ATP11B: variants seen among roughly 807,000 people sequenced by gnomAD.
The protein encoded by ATP11B is phospholipid-transporting ATPase IF.
In ATP11B, 81 loss-of-function variants were observed where a neutral mutation model predicts 157.8. The ratio of observed to expected loss-of-function variants is 0.51; its 90% CI spans 0.43 to 0.62. ATP11B has a LOEUF of 0.62. Among genes scored for constraint, ATP11B ranks in the 20% least tolerant of loss-of-function variants. The probability of loss-of-function intolerance (pLI) is 0.00; values close to 1 mark genes in which losing one functional copy is unlikely to be tolerated. For synonymous variants in ATP11B, 451 were observed against 469.4 expected (o/e 0.96, Z 0.51); for missense variants, 1,165 against 1,402.2 (o/e 0.83, Z 2.70).
At chr3:182,866,579 T>A (rs1257503144) in intron 14 of ATP11B, 136 bp downstream of exon 14, 1 of 674,098 alleles carries the variant, frequency 1.5e-6, no homozygotes, top group Admixed American at 4.0e-5. Context: ...TACATAAAAA[T>A]AGAAGTACAA....
intron 22 of ATP11B, 99 bp downstream of exon 22, chr3:182,884,997 C>T (rs1722702958): frequency 1.4e-6 from 1 of 714,778 alleles, no homozygotes; most frequent in Admixed American, 3.4e-5. Flanking sequence ...AAAATAGTTT[C>T]AATAAGTAAA....
intron 8 of ATP11B, chr3:182,844,715 A>G: frequency 5.3e-6 from 1 of 187,586 alleles, no homozygotes; most frequent in Non-Finnish European, 1.0e-5. Flanking sequence ...AAATCATACT[A>G]TAGTTTATGT....
At chr3:182,882,870 A>T (rs533777277) in intron 21 of ATP11B, among the ~76,000 whole-genome samples, 71 of 152,322 alleles carry the variant, frequency 4.7e-4, no homozygotes, top group African/African-American at 1.7e-3. Context: ...ATATGGAAGG[A>T]TGTGAGCAAT....
rs368234144 is a variant in ATP11B at position 182,862,049 on chromosome 3, C to T, written c.1200+2690C>T. Among the ~76,000 whole-genome samples, 14 of 151,820 alleles carry T rather than the reference C, an allele frequency of 9.2e-5. No homozygotes were observed. In the East Asian group the frequency reaches 2.1e-3, roughly 23 times the overall value. On this transcript the variant is annotated intron_variant, in intron 12 of 29. Coordinates refer to ENST00000323116, the MANE Select transcript of ATP11B (RefSeq NM_014616.3). ...TCACTTGAGCCCAGGAGTTCAAGACCAGCCTGGAGAACATGGCAAAACCCC... is the reference window on the plus strand; with the variant it reads ...TCACTTGAGCCCAGGAGTTCAAGACTAGCCTGGAGAACATGGCAAAACCCC...
In ATP11B at chr3:182,848,489, C is replaced by A; in HGVS notation, c.783C>A (p.Tyr261Ter). Residue 261 changes from tyrosine to a stop codon, truncating the protein, a stop_gained, in exon 10 of 30, where the codon TAC (tyrosine) becomes TAA (stop). Coordinates refer to ENST00000323116, the MANE Select transcript of ATP11B (RefSeq NM_014616.3). LOFTEE classifies it high-confidence loss of function. ...NTKEIFGVAV[Y>*]TGMETKMALN... Reference sequence around the variant, plus strand: ...TTTATTTTACAGGTGTTGCGGTATACACTGGAATGGAAACTAAGATGGCAT... The same window carrying A: ...TTTATTTTACAGGTGTTGCGGTATAAACTGGAATGGAAACTAAGATGGCAT... The A allele has an allele frequency of 6.4e-7, 1 of 1,558,914 alleles. No individual in the cohort carries two copies. Among genetic ancestry groups the A allele is most frequent in the Non-Finnish European group, 8.7e-7 (1 of 1,150,888 alleles).
chr3:182,910,580 A>T (rs1246057739), intron 28 of ATP11B, among the ~76,000 whole-genome samples: 1 of 152,204 alleles, frequency 6.6e-6, no homozygotes, highest in African/African-American at 2.4e-5. Context: ...GTCTCTAAAA[A>T]TAATAAAAAT....
intron 1 of ATP11B, among the ~76,000 whole-genome samples, chr3:182,809,011 G>T: frequency 6.6e-6 from 1 of 151,104 alleles, no homozygotes. Flanking sequence ...TAATATTCTT[G>T]GTTAGAAAAA....
intron 29 of ATP11B, chr3:182,915,131 T>A: frequency 1.0e-6 from 1 of 985,362 alleles, no homozygotes. Flanking sequence ...TATGATATCA[T>A]TCATCTGTTA....
intron 17 of ATP11B, 96 bp downstream of exon 17, chr3:182,869,427 A>AT: frequency 1.2e-6 from 1 of 856,386 alleles, no homozygotes; most frequent in East Asian, 2.7e-5. Flanking sequence ...AATTGTGGAC[A>AT]TTCTGCAGTT....
At chr3:182,866,546 T>G (rs1253496252) in intron 14 of ATP11B, 103 bp downstream of exon 14, 1 of 1,000,316 alleles carries the variant, frequency 1.0e-6, no homozygotes, top group Non-Finnish European at 1.4e-6. Flanking sequence ...TTCGTCATTT[T>G]AAGTTGTCAG....
At chr3:182,842,447 T>A (rs1332629320) in intron 8 of ATP11B, among the ~76,000 whole-genome samples, 2 of 151,982 alleles carry the variant, frequency 1.3e-5, no homozygotes, top group Non-Finnish European at 2.9e-5. Context: ...TGGGGAAGGG[T>A]TGTGGAGCTT....
Position 182,793,721 on chromosome 3 carries a change from C to A in ATP11B, c.-39C>A. 7.2e-7 allele frequency: 1 copy of A among 1,386,926 alleles called. No individual in the cohort carries two copies. The highest frequency in any genetic ancestry group is 9.5e-7 in the Non-Finnish European group (1 of 1,058,070). The allele number at this position is 1,386,926 out of a possible 1,614,324, so 85.9% of individuals were successfully genotyped here. Reference sequence around the variant, plus strand: ...CGGCCTCCACCTGCAGCCCCGCGGCCCCCGCGCCCCGCGGGACCCGGACGG... The same window carrying A: ...CGGCCTCCACCTGCAGCCCCGCGGCACCCGCGCCCCGCGGGACCCGGACGG... On this transcript the variant is annotated 5_prime_UTR_variant, in exon 1 of 30. Coordinates refer to ENST00000323116, the MANE Select transcript of ATP11B (RefSeq NM_014616.3).
chr3:182,886,464 G>C (rs1309559069), intron 23 of ATP11B, among the ~76,000 whole-genome samples: 1 of 152,036 alleles, frequency 6.6e-6, no homozygotes, highest in African/African-American at 2.4e-5. Flanking sequence ...AATTGATGGG[G>C]CACCTAGAGT....
At chr3:182,823,518 C>A (rs184794714) in intron 2 of ATP11B, among the ~76,000 whole-genome samples, 5 of 152,040 alleles carry the variant, frequency 3.3e-5, no homozygotes, top group Admixed American at 3.3e-4. Context: ...GTTACTGTAG[C>A]CTTGTAGTAT....
intron 7 of ATP11B, 26 bp from the exon 8 acceptor site, chr3:182,842,048 GT>G: frequency 6.8e-7 from 1 of 1,468,024 alleles, no homozygotes; most frequent in Non-Finnish European, 9.5e-7. Flanking sequence ...GATATTATAT[GT>G]TTTTGTAATG....
rs544548423 is a variant in ATP11B at position 182,822,167 on chromosome 3, G to A, written c.144+1791G>A. Reference sequence around the variant, plus strand: ...AAGTTCTAGGGTACATGTGCACAGCGTGCAGGTTTGTTACATATGTATACA... The same window carrying A: ...AAGTTCTAGGGTACATGTGCACAGCATGCAGGTTTGTTACATATGTATACA... On this transcript the variant is annotated intron_variant, in intron 2 of 29. Transcript: ENST00000323116. Among the ~76,000 whole-genome samples the A allele has an allele frequency of 9.9e-5, 15 of 151,062 alleles. No individual in the cohort carries two copies. The South Asian group carries it at 1.7e-3, about 17-fold the overall frequency.
At chr3:182,886,094 G>T in intron 23 of ATP11B, 84 bp downstream of exon 23, 1 of 916,856 alleles carries the variant, frequency 1.1e-6, no homozygotes, top group Non-Finnish European at 1.6e-6. Flanking sequence ...CGTTTGAAGG[G>T]ACTTTTTTCA....
At chr3:182,828,274 GA>G in intron 3 of ATP11B, 65 bp downstream of exon 3, 1 of 780,048 alleles carries the variant, frequency 1.3e-6, no homozygotes, top group Non-Finnish European at 2.0e-6. Flanking sequence ...TTGGAACAAA[GA>G]AAAATTACAT....
At position 182,920,780 on chromosome 3, in the gene ATP11B, A is replaced by AG. The variant is rs1173203467; in HGVS notation, c.*2676_*2677insG. 6.6e-6 allele frequency: 1 copy of AG among 152,308 alleles called. No individual in the cohort carries two copies. Among genetic ancestry groups the AG allele is most frequent in the Non-Finnish European group, 1.5e-5 (1 of 68,114 alleles). The allele number at this position is 152,308 out of a possible 1,614,324, so 9.4% of individuals were successfully genotyped here. ...AGCAAAGTATGGGCCAGGGAGAACTACAGCTACGAAGACCTGCTGTCGAGT... is the reference window on the plus strand; with the variant it reads ...AGCAAAGTATGGGCCAGGGAGAACTAGCAGCTACGAAGACCTGCTGTCGAGT... On this transcript the variant is annotated 3_prime_UTR_variant, in exon 30 of 30. Transcript: ENST00000323116.
Sources: allele counts gnomAD v4.1 joint callset (sites outside exome capture counted in the v4.1 genomes callset), GRCh38; gene constraint gnomAD v4.1.1; transcripts MANE v1.5; gene names NCBI Gene and HGNC (gene_info 2026-07-23, HGNC 2026-07-21).